EPHA6: variants seen among roughly 807,000 people sequenced by gnomAD.
The protein encoded by EPHA6 is ephrin type-A receptor 6.
EPHA6 carries 50 observed loss-of-function variants against 112.0 expected under a neutral mutation model. The ratio of observed to expected loss-of-function variants is 0.45; its 90% CI spans 0.36 to 0.56. The LOEUF (loss-of-function observed/expected upper bound fraction) is 0.56. EPHA6 is among the 20% of genes least tolerant of loss of function. EPHA6 has a pLI of 0.00. For missense variants in EPHA6, 1,280 were observed against 1,417.4 expected (o/e 0.90, Z 1.56); for synonymous variants, 529 against 490.7 (o/e 1.08, Z -1.03).
intron 6 of EPHA6, among the ~76,000 whole-genome samples, chr3:97,409,460 A>G (rs1185946656): frequency 6.6e-6 from 1 of 152,110 alleles, no homozygotes; most frequent in Admixed American, 6.6e-5. Flanking sequence ...AAGGTTAAGT[A>G]TCTTTACCAA....
chr3:97,349,241 AT>A, intron 5 of EPHA6, among the ~76,000 whole-genome samples: 1 of 152,096 alleles, frequency 6.6e-6, no homozygotes. Context: ...CTTTAGTCTT[AT>A]TTTTTGATCA....
intron 3 of EPHA6, among the ~76,000 whole-genome samples, chr3:97,074,437 T>G (rs1438139740): frequency 1.3e-5 from 2 of 151,968 alleles, no homozygotes; most frequent in Non-Finnish European, 2.9e-5. Flanking sequence ...CAGGGAGTAT[T>G]AAATAATATA....
chr3:97,377,427 T>C (rs908429295), intron 5 of EPHA6, among the ~76,000 whole-genome samples: 2 of 152,098 alleles, frequency 1.3e-5, no homozygotes, highest in Non-Finnish European at 2.9e-5. Context: ...ATCAGTAGCA[T>C]GAAAACACCA....
At chr3:97,718,657 C>T (rs2034363924) in intron 14 of EPHA6, among the ~76,000 whole-genome samples, 2 of 152,090 alleles carry the variant, frequency 1.3e-5, no homozygotes, top group South Asian at 4.1e-4. Context: ...CTCCCTGCCC[C>T]CCAACACTCT....
intron 3 of EPHA6, among the ~76,000 whole-genome samples, chr3:97,206,876 CCAAA>C (rs1390942874): frequency 6.6e-6 from 1 of 152,002 alleles, no homozygotes; most frequent in Non-Finnish European, 1.5e-5. Context: ...GCAGTATTAG[CCAAA>C]CAGTTCTTGC....
intron 14 of EPHA6, chr3:97,646,243 A>T: frequency 6.5e-7 from 1 of 1,535,614 alleles, no homozygotes; most frequent in Middle Eastern, 1.7e-4. Context: ...TGGAAGAGAA[A>T]CAGAAGGGCC....
chr3:97,139,868 A>G (rs1029413223), intron 3 of EPHA6, among the ~76,000 whole-genome samples: 4 of 152,172 alleles, frequency 2.6e-5, no homozygotes, highest in Non-Finnish European at 5.9e-5. Flanking sequence ...AATTCCAAAT[A>G]TGAATTGTAA....
chr3:97,050,007 G>T (rs914477546), intron 3 of EPHA6, among the ~76,000 whole-genome samples: 2 of 152,182 alleles, frequency 1.3e-5, no homozygotes, highest in Non-Finnish European at 2.9e-5. Context: ...AAAGAAAAGA[G>T]TGTTAACGAG....
chr3:97,121,337 C>T (rs923946026), intron 3 of EPHA6, among the ~76,000 whole-genome samples: 9 of 152,036 alleles, frequency 5.9e-5, no homozygotes, highest in Non-Finnish European at 8.8e-5. Context: ...ACTAAAATGA[C>T]GCTAGAAATA....
chr3:97,598,272 T>A (rs920305594), intron 12 of EPHA6, among the ~76,000 whole-genome samples: 11 of 152,044 alleles, frequency 7.2e-5, no homozygotes, highest in African/African-American at 2.7e-4. Flanking sequence ...AAGTTTTTTT[T>A]TTATTATTAT....
At chr3:97,530,803 G>A (rs1158295425) in intron 10 of EPHA6, among the ~76,000 whole-genome samples, 1 of 151,924 alleles carries the variant, frequency 6.6e-6, no homozygotes, top group East Asian at 1.9e-4. Context: ...TGGAAGCAAA[G>A]TTACGCCTTG....
intron 6 of EPHA6, among the ~76,000 whole-genome samples, chr3:97,431,350 A>T (rs1477092281): frequency 1.3e-5 from 2 of 152,168 alleles, no homozygotes; most frequent in Non-Finnish European, 2.9e-5. Flanking sequence ...TCATAAGTCT[A>T]TAATGAGAGA....
intron 7 of EPHA6, among the ~76,000 whole-genome samples, chr3:97,459,235 C>G (rs945669031): frequency 1.3e-5 from 2 of 152,184 alleles, no homozygotes; most frequent in African/African-American, 4.8e-5. Flanking sequence ...ATAGCTAGAA[C>G]TGTGCTTTTC....
intron 17 of EPHA6, 54 bp from the exon 18 acceptor site, chr3:97,748,530 TCTC>T (rs2107909654): frequency 2.5e-6 from 2 of 812,712 alleles, no homozygotes; most frequent in East Asian, 5.1e-5. Context: ...TCTCTCTCTC[TCTC>T]TCTCTTTCTT....
chr3:96,868,819 T>C (rs2036473847), intron 2 of EPHA6, among the ~76,000 whole-genome samples: 1 of 152,012 alleles, frequency 6.6e-6, no homozygotes, highest in Non-Finnish European at 1.5e-5. Flanking sequence ...ACATAAAATA[T>C]AGGTAATTTA....
intron 4 of EPHA6, among the ~76,000 whole-genome samples, chr3:97,243,623 A>T (rs562247445): frequency 6.6e-6 from 1 of 152,058 alleles, no homozygotes; most frequent in East Asian, 1.9e-4. Context: ...AATTAAAGCC[A>T]TCACATAATT....
At chr3:97,263,517 C>T (rs1188492337) in intron 5 of EPHA6, among the ~76,000 whole-genome samples, 1 of 150,740 alleles carries the variant, frequency 6.6e-6, no homozygotes, top group Non-Finnish European at 1.5e-5. Context: ...CAACTACTTA[C>T]TTTTCTTAAC....
chr3:97,074,751 C>G (rs1410611146), intron 3 of EPHA6, among the ~76,000 whole-genome samples: 1 of 151,900 alleles, frequency 6.6e-6, no homozygotes, highest in African/African-American at 2.4e-5. Flanking sequence ...ATAATGGAAA[C>G]AATAAAGCAG....
At chr3:97,501,771 T>C (rs1029495741) in intron 10 of EPHA6, among the ~76,000 whole-genome samples, 1 of 151,760 alleles carries the variant, frequency 6.6e-6, no homozygotes, top group Non-Finnish European at 1.5e-5. Flanking sequence ...AGAATCCAGC[T>C]TAACAATTTA....
Sources: gnomAD v4.1 joint callset for allele counts (sites outside exome capture counted in the v4.1 genomes callset) on GRCh38, gnomAD v4.1.1 for gene constraint, MANE v1.5 for transcripts, NCBI Gene and HGNC (gene_info 2026-07-23, HGNC 2026-07-21) for gene names.